Variants in TSGA10 observed in about 807,000 individuals in gnomAD.
TSGA10 encodes the protein testis specific 10, also known as testis-specific gene 10 protein.
Under a neutral mutation model 96.6 loss-of-function variants are expected in TSGA10, and 43 were observed. That is an observed-to-expected ratio of 0.44 (90% CI 0.35 to 0.57). The LOEUF is 0.57. TSGA10 is among the 20% of genes least tolerant of loss of function. The probability of loss-of-function intolerance (pLI) is 0.01; values close to 1 mark genes in which losing one functional copy is unlikely to be tolerated. For synonymous variants in TSGA10, 229 were observed against 269.9 expected (o/e 0.85, Z 1.48); for missense variants, 703 against 834.4 (o/e 0.84, Z 1.94).
At chr2:99,147,316 A>G (rs940216600) in intron 1 of TSGA10, 12 of 739,254 alleles carry the variant, frequency 1.6e-5, no homozygotes, top group Non-Finnish European at 1.8e-5. Flanking sequence ...GCCTATCTTA[A>G]TATCTAGTAA....
chr2:99,114,380 G>A (rs901545614), intron 4 of TSGA10, among the ~76,000 whole-genome samples: 1 of 152,008 alleles, frequency 6.6e-6, no homozygotes, highest in Admixed American at 6.6e-5. Context: ...ATTCTACTTG[G>A]GGACATTCAC....
At chr2:99,108,745 T>C in intron 7 of TSGA10, 88 bp downstream of exon 7, 1 of 927,990 alleles carries the variant, frequency 1.1e-6, no homozygotes, top group Non-Finnish European at 1.5e-6. Context: ...ATTTGCAGGT[T>C]TAAGCAGTCT....
At chr2:99,128,712 T>G (rs2092942001) in intron 1 of TSGA10, among the ~76,000 whole-genome samples, 1 of 152,182 alleles carries the variant, frequency 6.6e-6, no homozygotes, top group Non-Finnish European at 1.5e-5. Flanking sequence ...CCCTTCCTAC[T>G]TCTCCAAATT....
At chr2:99,004,821 C>T (rs927960433) in intron 20 of TSGA10, among the ~76,000 whole-genome samples, 3 of 152,188 alleles carry the variant, frequency 2.0e-5, no homozygotes, top group African/African-American at 7.2e-5. Flanking sequence ...ATACCAAAGG[C>T]TGGCAGAGAC....
chr2:99,033,652 C>A (rs2081338921), intron 17 of TSGA10, among the ~76,000 whole-genome samples: 1 of 152,110 alleles, frequency 6.6e-6, no homozygotes, highest in Non-Finnish European at 1.5e-5. Context: ...ACCAGCCTGG[C>A]CAACATGGTG....
rs1432598147 is a variant in TSGA10, at chr2:99,094,328, T to C, written c.611+9639A>G. 5.9e-5 allele frequency among the ~76,000 whole-genome samples: 9 copies of C among 152,092 alleles called. No individual in the cohort carries two copies. In the East Asian group the frequency reaches 1.7e-3, roughly 29 times the overall value. ...GAAGATAACATTGAAAAAACCCTTC[T>C]AGACATTGGCTTAGGCAGTGACTTT... is the stretch of plus-strand genomic sequence containing the variant. On this transcript the variant is annotated intron_variant, in intron 10 of 20. Transcript: ENST00000393483.
intron 10 of TSGA10, among the ~76,000 whole-genome samples, chr2:99,101,584 G>A (rs916478595): frequency 1.2e-4 from 18 of 151,872 alleles, no homozygotes; most frequent in African/African-American, 3.4e-4. Flanking sequence ...AGAAAAAAGA[G>A]TAAAAAGAAA....
intron 10 of TSGA10, among the ~76,000 whole-genome samples, chr2:99,082,501 T>C (rs543243692): frequency 3.5e-4 from 54 of 152,206 alleles, no homozygotes; most frequent in Admixed American, 8.5e-4. Context: ...TCTCAAAGTG[T>C]GGCGTTTTCT....
At chr2:99,099,100 G>A (rs1430510320) in intron 10 of TSGA10, among the ~76,000 whole-genome samples, 1 of 152,092 alleles carries the variant, frequency 6.6e-6, no homozygotes, top group African/African-American at 2.4e-5. Flanking sequence ...ATCACCTGAG[G>A]TCGGGAGTTC....
intron 11 of TSGA10, 44 bp downstream of exon 11, chr2:99,081,238 A>G: frequency 8.6e-7 from 1 of 1,159,742 alleles, no homozygotes; most frequent in Non-Finnish European, 1.2e-6. Flanking sequence ...TTTGCTACCA[A>G]ACTTAAGAAA....
At chr2:99,143,438 T>G (rs2105121792) in intron 1 of TSGA10, among the ~76,000 whole-genome samples, 1 of 150,570 alleles carries the variant, frequency 6.6e-6, no homozygotes, top group South Asian at 2.1e-4. Context: ...GGATTACAGG[T>G]GTGAGCCACT....
intron 10 of TSGA10, among the ~76,000 whole-genome samples, chr2:99,097,554 A>G (rs2090203648): frequency 6.6e-6 from 1 of 152,216 alleles, no homozygotes; most frequent in Non-Finnish European, 1.5e-5. Flanking sequence ...GTAATCACTA[A>G]AAGAATAATA....
At chr2:99,140,961 G>T in intron 1 of TSGA10, 1 of 649,448 alleles carries the variant, frequency 1.5e-6, no homozygotes, top group Non-Finnish European at 2.1e-6. Context: ...CGCTGCTAGC[G>T]CCCAACTCCG....
At chr2:99,068,792 A>T (rs982926278) in intron 15 of TSGA10, 96 bp downstream of exon 15, 2 of 509,242 alleles carry the variant, frequency 3.9e-6, no homozygotes, top group African/African-American at 4.0e-5. Context: ...TATTAAAGAA[A>T]GCTTTGATTC....
intron 10 of TSGA10, among the ~76,000 whole-genome samples, chr2:99,096,156 TG>T (rs2090010039): frequency 6.6e-6 from 1 of 152,226 alleles, no homozygotes; most frequent in Non-Finnish European, 1.5e-5. Flanking sequence ...TAGTATTTAT[TG>T]AGTACATTGT....
chr2:99,091,604 G>GA (rs2089349627), intron 10 of TSGA10, among the ~76,000 whole-genome samples: 1 of 152,132 alleles, frequency 6.6e-6, no homozygotes, highest in South Asian at 2.1e-4. Flanking sequence ...TAAAGGGGTG[G>GA]AAAAAGACAT....
At chr2:99,008,453 C>T (rs2078692893) in intron 20 of TSGA10, among the ~76,000 whole-genome samples, 1 of 152,134 alleles carries the variant, frequency 6.6e-6, no homozygotes, top group African/African-American at 2.4e-5. Flanking sequence ...CAACTTCACT[C>T]ACAATAAGAG....
chr2:99,099,081 G>C (rs1240681238), intron 10 of TSGA10, among the ~76,000 whole-genome samples: 1 of 152,238 alleles, frequency 6.6e-6, no homozygotes, highest in Admixed American at 6.5e-5. Flanking sequence ...GGGAGGCCAA[G>C]GCAGGTGGAT....
At chr2:99,078,214 T>G (rs2086976328) in intron 12 of TSGA10, among the ~76,000 whole-genome samples, 1 of 135,250 alleles carries the variant, frequency 7.4e-6, no homozygotes, top group Non-Finnish European at 1.5e-5. Context: ...GAGCTTGCAG[T>G]AAGCCGAGAT....
Sources: gnomAD v4.1 joint callset for allele counts (sites outside exome capture counted in the v4.1 genomes callset) on GRCh38, gnomAD v4.1.1 for gene constraint, MANE v1.5 for transcripts, NCBI Gene and HGNC (gene_info 2026-07-23, HGNC 2026-07-21) for gene names.